The following HSD17B4 variants were observed in gnomAD, a reference collection of about 807,000 sequenced individuals.
The protein encoded by HSD17B4 is hydroxysteroid 17-beta dehydrogenase 4, also known as peroxisomal multifunctional enzyme type 2.
In HSD17B4, 70 loss-of-function variants were observed where a neutral mutation model predicts 101.0. The ratio of observed to expected loss-of-function variants is 0.69; its 90% CI spans 0.57 to 0.85. The LOEUF (loss-of-function observed/expected upper bound fraction) is 0.85. HSD17B4 is among the 40% of genes least tolerant of loss of function. The pLI, the probability that HSD17B4 is intolerant of heterozygous loss-of-function variation, is 0.00. For synonymous variants in HSD17B4, 347 were observed against 297.1 expected, an observed-to-expected ratio of 1.17 and a Z score of -1.73; for missense variants, 984 against 892.4, an observed-to-expected ratio of 1.10 and a Z score of -1.31.
intron 9 of HSD17B4, among the ~76,000 whole-genome samples, chr5:119,491,200 T>C (rs1227821338): frequency 1.3e-5 from 2 of 152,178 alleles, no homozygotes; most frequent in African/African-American, 4.8e-5. Context: ...GGTAGTTATT[T>C]TGCCTGTTAT....
chr5:119,482,706 T>A (rs935221076), intron 8 of HSD17B4, among the ~76,000 whole-genome samples: 6 of 152,110 alleles, frequency 3.9e-5, no homozygotes, highest in African/African-American at 1.4e-4. Flanking sequence ...TCTTTGAGTT[T>A]CCTTAGAAAC....
At chr5:119,454,427 T>TC (rs1457918017) in intron 1 of HSD17B4, among the ~76,000 whole-genome samples, 1 of 151,880 alleles carries the variant, frequency 6.6e-6, no homozygotes, top group Non-Finnish European at 1.5e-5. Context: ...TGCATCAGCT[T>TC]CCAGACTAGC....
At chr5:119,521,919 GT>G (rs1168350157) in intron 17 of HSD17B4, among the ~76,000 whole-genome samples, 62 of 142,052 alleles carry the variant, frequency 4.4e-4, no homozygotes, top group African/African-American at 5.9e-4. Context: ...TTCAGTTTTG[GT>G]TTTTTTTTTT....
intron 17 of HSD17B4, 52 bp from the exon 18 acceptor site, chr5:119,525,164 A>C (rs1753467128): frequency 3.3e-6 from 4 of 1,225,006 alleles, no homozygotes; most frequent in South Asian, 2.4e-5. Context: ...TTTTCATTTA[A>C]TGTATTCTAA....
intron 2 of HSD17B4, chr5:119,471,738 C>T (rs1756390882): frequency 9.4e-7 from 1 of 1,064,662 alleles, no homozygotes; most frequent in Non-Finnish European, 1.4e-6. Context: ...AGTTATTTGG[C>T]ATTTATCTAT....
At chr5:119,509,776 G>A (rs1213240892) in intron 16 of HSD17B4, among the ~76,000 whole-genome samples, 1 of 152,278 alleles carries the variant, frequency 6.6e-6, no homozygotes, top group East Asian at 1.9e-4. Flanking sequence ...CAGCAAAGCA[G>A]GACTCCTTCC....
intron 13 of HSD17B4, among the ~76,000 whole-genome samples, chr5:119,500,309 T>G (rs1298928): frequency 0.14 from 21,647 of 151,604 alleles, 1,765 homozygotes; most frequent in Non-Finnish European, 0.18. Context: ...TATATATATA[T>G]AGAGAGAGAG....
At chr5:119,470,622 C>G (rs1230627860) in intron 2 of HSD17B4, among the ~76,000 whole-genome samples, 4 of 152,252 alleles carry the variant, frequency 2.6e-5, no homozygotes, top group Non-Finnish European at 5.9e-5. Flanking sequence ...CTGATTCCAT[C>G]TGGATGCTTC....
Position 119,502,015 on chromosome 5 carries a change from A to G in HSD17B4, c.1210-26A>G, listed in dbSNP as rs756161484. On this transcript the variant is annotated intron_variant, in intron 13 of 23. Transcript: ENST00000510025. The stretch of plus-strand genomic sequence containing the variant: ...ACCTGTGGAGCAAGAAAGTTTGCTA[A>G]TAAAATTTTGTTTACCCTAACATAG... The G allele has an allele frequency of 2.0e-6, 3 of 1,500,390 alleles. No individual in the cohort carries two copies. In the Admixed American group the frequency reaches 5.0e-5, roughly 25 times the overall value. The allele number at this position is 1,500,390 out of a possible 1,614,324, so 92.9% of individuals were successfully genotyped here.
intron 2 of HSD17B4, among the ~76,000 whole-genome samples, chr5:119,460,549 G>A (rs1407511480): frequency 1.3e-5 from 2 of 152,098 alleles, no homozygotes; most frequent in Admixed American, 6.5e-5. Flanking sequence ...TTAGCAAGTC[G>A]TTATTTTGTC....
chr5:119,465,733 T>C (rs1755742124), intron 2 of HSD17B4, among the ~76,000 whole-genome samples: 1 of 152,230 alleles, frequency 6.6e-6, no homozygotes, highest in Admixed American at 6.5e-5. Context: ...ATGGAGTCTT[T>C]AGGTTTTTCT....
In HSD17B4 at chr5:119,515,052, A is replaced by C; in HGVS notation, c.1503+6A>C. The C allele has an allele frequency of 1.9e-6, 3 of 1,542,250 alleles. No individual in the cohort carries two copies. Among genetic ancestry groups the C allele is most frequent in the Non-Finnish European group, 2.7e-6 (3 of 1,114,762 alleles). Reference sequence around the variant, plus strand: ...ATACCACCTCTCTTAATCAGGTAAGATTGTATTTTTGAAAAATGATAAATC... The same window carrying C: ...ATACCACCTCTCTTAATCAGGTAAGCTTGTATTTTTGAAAAATGATAAATC... On this transcript the variant is annotated splice_donor_region_variant and intron_variant, in intron 17 of 23. Transcript: ENST00000510025.
At chr5:119,473,180 T>C (rs564148165) in intron 2 of HSD17B4, among the ~76,000 whole-genome samples, 1 of 152,186 alleles carries the variant, frequency 6.6e-6, no homozygotes, top group East Asian at 1.9e-4. Flanking sequence ...GAAGTAGGAT[T>C]GATCGATCTT....
At chr5:119,475,790 C>T in intron 5 of HSD17B4, 34 bp from the exon 6 acceptor site, 1 of 1,577,456 alleles carries the variant, frequency 6.3e-7, no homozygotes, top group Non-Finnish European at 8.7e-7. Context: ...TATATACTTT[C>T]CTCCTTTTAC....
chr5:119,509,672 C>T (rs1751993805), intron 16 of HSD17B4, among the ~76,000 whole-genome samples: 1 of 152,016 alleles, frequency 6.6e-6, no homozygotes, highest in African/African-American at 2.4e-5. Context: ...CATTATGTCC[C>T]CAGGCTTGGT....
chr5:119,459,289 G>A (rs78414336), intron 2 of HSD17B4, among the ~76,000 whole-genome samples: 22,010 of 152,122 alleles, frequency 0.14, 1,708 homozygotes, highest in South Asian at 0.19. Flanking sequence ...GCTAACTTCC[G>A]GGATTATGGT....
chr5:119,501,374 G>T (rs1751150209), intron 13 of HSD17B4, among the ~76,000 whole-genome samples: 1 of 149,868 alleles, frequency 6.7e-6, no homozygotes, highest in Non-Finnish European at 1.5e-5. Context: ...CTGGCCCTCT[G>T]CAGTGAAAGT....
chr5:119,501,982 T>G (rs373107613), intron 13 of HSD17B4, 59 bp from the exon 14 acceptor site: 2 of 1,000,978 alleles, frequency 2.0e-6, no homozygotes, highest in Non-Finnish European at 3.2e-6. Flanking sequence ...ACAGTATCCA[T>G]AGGCAGAACC....
intron 17 of HSD17B4, among the ~76,000 whole-genome samples, chr5:119,518,531 G>A (rs1387131872): frequency 6.6e-6 from 1 of 152,166 alleles, no homozygotes; most frequent in Non-Finnish European, 1.5e-5. Context: ...GATATGTAGG[G>A]CTTGCAGTGT....
Sources: allele counts gnomAD v4.1 joint callset (sites outside exome capture counted in the v4.1 genomes callset), GRCh38; gene constraint gnomAD v4.1.1; transcripts MANE v1.5; gene names NCBI Gene and HGNC (gene_info 2026-07-23, HGNC 2026-07-21).